The following FOXN2 variants were observed in gnomAD, a reference collection of about 807,000 sequenced individuals.
FOXN2 encodes forkhead box protein N2.
A neutral mutation model predicts 41.2 loss-of-function variants in FOXN2; 19 were observed. The observed-to-expected ratio is 0.46, with a 90% CI of 0.32 to 0.68. The LOEUF (loss-of-function observed/expected upper bound fraction) is 0.68, where lower values mean the gene tolerates loss of function less well. FOXN2 is among the 30% of genes least tolerant of loss of function. FOXN2 has a pLI of 0.03. For synonymous variants in FOXN2, 195 were observed against 176.8 expected, an observed-to-expected ratio of 1.10 and a Z score of -0.82; for missense variants, 587 against 509.4, an observed-to-expected ratio of 1.15 and a Z score of -1.47.
chr2:48,320,681 C>G (rs1669249604), intron 1 of FOXN2, among the ~76,000 whole-genome samples: 1 of 151,760 alleles, frequency 6.6e-6, no homozygotes, highest in African/African-American at 2.4e-5. Context: ...GGTATTTACC[C>G]AAATCTCTCA....
At chr2:48,316,185 AAG>A (rs1221009108) in intron 1 of FOXN2, among the ~76,000 whole-genome samples, 1 of 152,052 alleles carries the variant, frequency 6.6e-6, no homozygotes, top group Non-Finnish European at 1.5e-5. Flanking sequence ...TCCGAATCTT[AAG>A]ACTTACCTCT....
intron 3 of FOXN2, among the ~76,000 whole-genome samples, chr2:48,348,586 G>A (rs537994030): frequency 3.3e-5 from 5 of 152,190 alleles, no homozygotes; most frequent in Non-Finnish European, 7.3e-5. Context: ...ACGGAAGTAT[G>A]TAATATTTCT....
chr2:48,374,936 T>G lies in FOXN2; in HGVS notation c.789T>G (p.Pro263=). The change falls in exon 7 of 7, where the codon CCT becomes CCG. Residue 263 remains proline (P), a synonymous_variant. Coordinates refer to ENST00000340553, the MANE Select transcript of FOXN2 (RefSeq NM_002158.4). ...QGILECEKPL[P]LKTALQKKRS... is the part of the protein sequence containing the mutation. ...TTTCCACAGGTGAGAAGCCTCTTCC[T>G]CTTAAAACAGCATTGCAAAAAAAGA... is the stretch of plus-strand genomic sequence containing the variant. 2 of 1,611,838 alleles carry G rather than the reference T, an allele frequency of 1.2e-6. No individual in the cohort carries two copies. Among genetic ancestry groups the G allele is most frequent in the African/African-American group, 1.3e-5 (1 of 74,998 alleles).
intron 2 of FOXN2, among the ~76,000 whole-genome samples, chr2:48,332,841 T>C (rs1022532520): frequency 1.3e-5 from 2 of 152,180 alleles, no homozygotes; most frequent in Non-Finnish European, 2.9e-5. Context: ...GGTAGTATTA[T>C]AATTCTAAGT....
Position 48,362,661 on chromosome 2 carries a change from CTATT to C in FOXN2, c.660_663del (p.Tyr220Ter). On this transcript the variant is annotated frameshift_variant, in exon 5 of 7. Coordinates refer to ENST00000340553, the MANE Select transcript of FOXN2 (RefSeq NM_002158.4). LOFTEE classifies it high-confidence loss of function. ...TTTTCAGTGGTTCTTTATCACCTCA[CTATT>C]TAAGCTCTGTAATCAAGCAGAACCA... 1 of 1,613,912 alleles carries C rather than the reference CTATT, an allele frequency of 6.2e-7. No homozygotes were observed. Among genetic ancestry groups the C allele is most frequent in the Non-Finnish European group, 8.5e-7 (1 of 1,179,886 alleles).
Position 48,368,628 on chromosome 2 carries a change from G to A in FOXN2, c.704-4664G>A, listed in dbSNP as rs1403141671. On this transcript the variant is annotated intron_variant, in intron 5 of 6. Transcript: ENST00000340553. ...GATCACTTGAACCTGGGAGGTGAAG[G>A]TTGCAGTGAGCCATGATTGCACCAT... Among the ~76,000 whole-genome samples the A allele has an allele frequency of 2.0e-5, 3 of 152,202 alleles. 1 individual carries two copies. The highest frequency in any genetic ancestry group is 4.4e-5 in the Non-Finnish European group (3 of 68,026).
chr2:48,363,983 C>T (rs1473212681), intron 5 of FOXN2, among the ~76,000 whole-genome samples: 2 of 152,128 alleles, frequency 1.3e-5, no homozygotes, highest in Non-Finnish European at 2.9e-5. Flanking sequence ...CACTGATCTT[C>T]TGAATGCCTG....
intron 2 of FOXN2, among the ~76,000 whole-genome samples, chr2:48,329,554 A>C (rs536271713): frequency 7.2e-5 from 11 of 152,246 alleles, no homozygotes; most frequent in African/African-American, 2.6e-4. Flanking sequence ...TTTTTTGTTT[A>C]GAGACAATGG....
intron 5 of FOXN2, among the ~76,000 whole-genome samples, chr2:48,367,070 A>G (rs1672581200): frequency 6.6e-6 from 1 of 152,196 alleles, no homozygotes; most frequent in Admixed American, 6.5e-5. Flanking sequence ...TATCAGCCTA[A>G]ACAGGTGCAG....
At chr2:48,318,331 G>A (rs993782505) in intron 1 of FOXN2, among the ~76,000 whole-genome samples, 1 of 152,094 alleles carries the variant, frequency 6.6e-6, no homozygotes, top group Non-Finnish European at 1.5e-5. Context: ...ACAATTTTAA[G>A]AAGTGCTTGT....
rs1558644977 is a variant in FOXN2 at position 48,375,201 on chromosome 2, G to C, written c.1054G>C (p.Asp352His). The C allele has an allele frequency of 1.2e-6, 2 of 1,614,042 alleles. No individual in the cohort carries two copies. Among genetic ancestry groups the C allele is most frequent in the Non-Finnish European group, 1.7e-6 (2 of 1,180,024 alleles). The change falls in exon 7 of 7, where the codon GAT becomes CAT. Residue 352 changes from aspartate to histidine, a missense_variant. Physicochemically the swap from Asp to His is moderately conservative, Grantham distance 81. Transcript: ENST00000340553. ...DGSEGFHSEEDTDVDYEDDPL... is the reference protein window; with the variant it reads ...DGSEGFHSEEHTDVDYEDDPL... ...CAGTGAAGGATTTCACAGTGAAGAA[G>C]ATACAGACGTTGATTATGAAGATGA...
intron 6 of FOXN2, 100 bp downstream of exon 6, chr2:48,373,460 A>T (rs1362249114): frequency 4.4e-6 from 3 of 688,048 alleles, no homozygotes; most frequent in East Asian, 5.8e-5. Flanking sequence ...CTTCTTTCCA[A>T]CCAAATTGTA....
At position 48,375,379 on chromosome 2, in the gene FOXN2, G is replaced by A. The variant is rs141186693; in HGVS notation, c.1232G>A (p.Arg411His). The A allele has an allele frequency of 1.4e-5, 23 of 1,613,410 alleles. No individual in the cohort carries two copies. Among genetic ancestry groups the A allele is most frequent in the African/African-American group, 5.3e-5 (4 of 74,908 alleles). The stretch of plus-strand genomic sequence containing the variant: ...TCTCTGCTCCACCTTGCTGGAATTC[G>A]TACATGTTTAGGTTCCCTAATAAGT... ...AGSLLHLAGI[R>H]TCLGSLISTA... The change falls in exon 7 of 7, where the codon CGT becomes CAT. Residue 411 changes from arginine to histidine, a missense_variant. Physicochemically the swap from Arg to His is conservative, Grantham distance 29. Coordinates refer to ENST00000340553, the MANE Select transcript of FOXN2 (RefSeq NM_002158.4).
intron 4 of FOXN2, among the ~76,000 whole-genome samples, chr2:48,359,656 G>A (rs986577841): frequency 6.6e-6 from 1 of 151,268 alleles, no homozygotes; most frequent in African/African-American, 2.4e-5. Flanking sequence ...TAAGACATTA[G>A]CCTAAGTTAG....
At chr2:48,324,448 C>T (rs1015901937) in intron 1 of FOXN2, among the ~76,000 whole-genome samples, 3 of 152,142 alleles carry the variant, frequency 2.0e-5, no homozygotes, top group Non-Finnish European at 4.4e-5. Flanking sequence ...CCTGCCTTGG[C>T]CTCCCAAAGT....
chr2:48,320,444 C>A (rs2104075715), intron 1 of FOXN2, among the ~76,000 whole-genome samples: 1 of 152,198 alleles, frequency 6.6e-6, no homozygotes, highest in East Asian at 1.9e-4. Flanking sequence ...GCACACACCA[C>A]CGCGCCTGGC....
intron 2 of FOXN2, among the ~76,000 whole-genome samples, chr2:48,330,000 A>G (rs1296796649): frequency 3.9e-5 from 6 of 152,128 alleles, no homozygotes; most frequent in Non-Finnish European, 7.4e-5. Context: ...AGACAAATTA[A>G]CAGGAAGAAA....
intron 1 of FOXN2, among the ~76,000 whole-genome samples, chr2:48,318,133 T>C (rs1669057508): frequency 6.6e-6 from 1 of 152,232 alleles, no homozygotes; most frequent in Non-Finnish European, 1.5e-5. Context: ...ATACAGAGTA[T>C]ACCTCACCCA....
intron 3 of FOXN2, among the ~76,000 whole-genome samples, chr2:48,351,372 T>C (rs1425688717): frequency 1.3e-5 from 2 of 152,100 alleles, no homozygotes; most frequent in African/African-American, 2.4e-5. Context: ...GTTTAAGTTT[T>C]AAAAAGTAAG....
Sources: gnomAD v4.1 joint callset for allele counts (sites outside exome capture counted in the v4.1 genomes callset) on GRCh38, gnomAD v4.1.1 for gene constraint, MANE v1.5 for transcripts, NCBI Gene and HGNC (gene_info 2026-07-23, HGNC 2026-07-21) for gene names.